DOP1B: variants seen among roughly 807,000 people sequenced by gnomAD.
DOP1B encodes protein DOP1B.
Under a neutral mutation model 233.5 loss-of-function variants are expected in DOP1B, and 174 were observed. That is an observed-to-expected ratio of 0.75 (90% confidence interval 0.66 to 0.85). The LOEUF is 0.85. DOP1B is among the 40% of genes least tolerant of loss of function. The probability of loss-of-function intolerance (pLI) is 0.00; values close to 1 mark genes in which losing one functional copy is unlikely to be tolerated. For missense variants in DOP1B, 2,652 were observed against 2,846.6 expected (o/e 0.93, Z 1.56); for synonymous variants, 1,190 against 1,185.6 (o/e 1.00, Z -0.08).
rs200822918 is a variant in DOP1B, at chr21:36,232,786, C to T, written c.2351-18C>T. The T allele has an allele frequency of 6.0e-5, 96 of 1,611,426 alleles. No individual in the cohort carries two copies. Among genetic ancestry groups the T allele is most frequent in the East Asian group, 2.5e-4 (11 of 44,856 alleles). ...GTGGTTCTGCTTGTTTCTGCCTCTC[C>T]GGCTGGCTTCCTTTCAGGAGCCGGT... On this transcript the variant is annotated intron_variant, in intron 14 of 36. Coordinates refer to ENST00000691173, the MANE Select transcript of DOP1B (RefSeq NM_001320714.2).
chr21:36,282,983 ATTG>A (rs374476251), intron 32 of DOP1B, among the ~76,000 whole-genome samples: 2 of 149,696 alleles, frequency 1.3e-5, no homozygotes, highest in East Asian at 2.0e-4. Context: ...AAATAAATAA[ATTG>A]TTATTATTAT....
chr21:36,214,252 T>G, intron 8 of DOP1B, 62 bp downstream of exon 8: 1 of 1,453,664 alleles, frequency 6.9e-7, no homozygotes, highest in African/African-American at 1.4e-5. Context: ...GTGGATTTCT[T>G]TGGGAGGCTT....
chr21:36,224,671 G>A (rs1446453086), intron 11 of DOP1B, among the ~76,000 whole-genome samples: 1 of 150,182 alleles, frequency 6.7e-6, no homozygotes, highest in Admixed American at 6.7e-5. Flanking sequence ...TTCATCCCAG[G>A]GTTATGAGAT....
intron 15 of DOP1B, among the ~76,000 whole-genome samples, chr21:36,237,008 C>T (rs754631483): frequency 2.8e-4 from 42 of 152,130 alleles, no homozygotes; most frequent in Non-Finnish European, 4.9e-4. Context: ...TGGTCTTGAA[C>T]TCCTGACCTC....
intron 11 of DOP1B, among the ~76,000 whole-genome samples, chr21:36,224,252 C>T (rs538076124): frequency 5.9e-5 from 9 of 151,952 alleles, no homozygotes; most frequent in East Asian, 1.9e-4. Flanking sequence ...CAGGTTCAAG[C>T]GATCCTCCCA....
intron 2 of DOP1B, among the ~76,000 whole-genome samples, chr21:36,180,679 G>C (rs1425220567): frequency 6.6e-6 from 1 of 150,562 alleles, no homozygotes; most frequent in Non-Finnish European, 1.5e-5. Flanking sequence ...TCAGGAGTTC[G>C]AGACCAGCCT....
intron 27 of DOP1B, among the ~76,000 whole-genome samples, chr21:36,275,824 T>A (rs1340474081): frequency 6.6e-6 from 1 of 152,086 alleles, no homozygotes; most frequent in African/African-American, 2.4e-5. Context: ...TGCATTCTTC[T>A]AGGTGAGTCC....
At chr21:36,249,825 A>G (rs148020434) in intron 21 of DOP1B, among the ~76,000 whole-genome samples, 56 of 152,268 alleles carry the variant, frequency 3.7e-4, no homozygotes, top group African/African-American at 1.3e-3. Flanking sequence ...TCCTGCATTT[A>G]GGTACCACGG....
chr21:36,264,114 A>G (rs1347511192), intron 26 of DOP1B, among the ~76,000 whole-genome samples: 2 of 152,218 alleles, frequency 1.3e-5, no homozygotes, highest in African/African-American at 4.8e-5. Flanking sequence ...TGTAAAACAT[A>G]AATGGAATAA....
chr21:36,193,105 A>G (rs758776649), intron 2 of DOP1B, among the ~76,000 whole-genome samples: 7 of 152,242 alleles, frequency 4.6e-5, no homozygotes, highest in Non-Finnish European at 8.8e-5. Context: ...GGCATTAGCA[A>G]TTGTAAAGAA....
chr21:36,227,628 A>G (rs1233064941), intron 12 of DOP1B, 58 bp from the exon 13 acceptor site: 8 of 1,389,938 alleles, frequency 5.8e-6, no homozygotes, highest in African/African-American at 1.4e-5. Context: ...TTTGAGATGC[A>G]TTGTTTTTCT....
intron 24 of DOP1B, among the ~76,000 whole-genome samples, chr21:36,263,157 C>A (rs2067192702): frequency 6.9e-6 from 1 of 145,434 alleles, no homozygotes; most frequent in Non-Finnish European, 1.5e-5. Flanking sequence ...TCGCTTGAAC[C>A]TGGGAGGCGA....
intron 2 of DOP1B, among the ~76,000 whole-genome samples, chr21:36,198,485 G>T (rs2066319945): frequency 6.6e-6 from 1 of 151,666 alleles, no homozygotes; most frequent in Non-Finnish European, 1.5e-5. Context: ...CACGCACAAA[G>T]TTCTGCCCAT....
intron 32 of DOP1B, among the ~76,000 whole-genome samples, chr21:36,282,374 C>T (rs1338452176): frequency 6.6e-6 from 1 of 152,188 alleles, no homozygotes; most frequent in Admixed American, 6.5e-5. Context: ...GCCAAGATCA[C>T]ACCACTGCAC....
At chr21:36,174,250 G>C (rs1274481657) in intron 2 of DOP1B, among the ~76,000 whole-genome samples, 1 of 152,192 alleles carries the variant, frequency 6.6e-6, no homozygotes, top group Non-Finnish European at 1.5e-5. Flanking sequence ...CACTTTGGGA[G>C]GCCAAGGTGG....
At chr21:36,194,304 C>T (rs1192229919) in intron 2 of DOP1B, among the ~76,000 whole-genome samples, 2 of 152,144 alleles carry the variant, frequency 1.3e-5, no homozygotes, top group African/African-American at 2.4e-5. Flanking sequence ...ATCTCTAGAT[C>T]ACTCTGCTCT....
intron 28 of DOP1B, 99 bp downstream of exon 28, chr21:36,277,199 C>A: frequency 8.5e-7 from 1 of 1,181,438 alleles, no homozygotes; most frequent in Non-Finnish European, 1.2e-6. Context: ...TGAGCGTGGG[C>A]CGCACCCTCC....
chr21:36,230,600 G>T lies in DOP1B; in HGVS notation c.1816G>T (p.Val606Phe). The part of the protein sequence containing the change: ...SSPELSEHLR[V>F]PRVSLERDDV... Reference sequence around the variant, plus strand: ...ACCGGAGCTCTCTGAGCACTTGAGGGTTCCTCGAGTTTCTCTGGAAAGGGA... The same window carrying T: ...ACCGGAGCTCTCTGAGCACTTGAGGTTTCCTCGAGTTTCTCTGGAAAGGGA... Residue 606 changes from valine (V) to phenylalanine (F), a missense_variant, in exon 14 of 37, where the codon GTT becomes TTT. Val to Phe is a conservative substitution (Grantham distance 50). Around this residue, in one of 3 missense-constraint regions of DOP1B, gnomAD observed 2,617 missense variants for 2,794.3 expected, o/e 0.94. Transcript: ENST00000691173. 2 of 1,614,224 alleles carry T rather than the reference G, an allele frequency of 1.2e-6. No individual in the cohort carries two copies. The highest frequency in any genetic ancestry group is 1.7e-6 in the Non-Finnish European group (2 of 1,180,038).
At chr21:36,213,199 G>A (rs2066520521) in intron 7 of DOP1B, among the ~76,000 whole-genome samples, 1 of 152,198 alleles carries the variant, frequency 6.6e-6, no homozygotes, top group South Asian at 2.1e-4. Flanking sequence ...AGGATTTTAA[G>A]AAGACTATTT....
Sources: allele counts gnomAD v4.1 joint callset (sites outside exome capture counted in the v4.1 genomes callset), GRCh38; gene constraint gnomAD v4.1.1; regional missense constraint gnomAD v4.1.1; transcripts MANE v1.5; gene names NCBI Gene and HGNC (gene_info 2026-07-23, HGNC 2026-07-21).